The following TTC39C variants were observed in gnomAD, a reference collection of about 807,000 sequenced individuals.
TTC39C encodes the protein tetratricopeptide repeat protein 39C.
A neutral mutation model predicts 76.3 loss-of-function variants in TTC39C; 33 were observed. The ratio of observed to expected loss-of-function variants is 0.43; its 90% CI spans 0.33 to 0.58. The LOEUF (loss-of-function observed/expected upper bound fraction) is 0.58, where lower values mean the gene tolerates loss of function less well. Among genes scored for constraint, TTC39C ranks in the 20% least tolerant of loss-of-function variants. The probability of loss-of-function intolerance (pLI) is 0.04; values close to 1 mark genes in which losing one functional copy is unlikely to be tolerated. For missense variants in TTC39C, 595 were observed against 701.4 expected (o/e 0.85, Z 1.71); for synonymous variants, 254 against 260.6 (o/e 0.97, Z 0.24).
At chr18:24,059,831 A>G (rs1175540918) in intron 1 of TTC39C, among the ~76,000 whole-genome samples, 1 of 152,228 alleles carries the variant, frequency 6.6e-6, no homozygotes, top group Non-Finnish European at 1.5e-5. Context: ...AAGAGTTTTA[A>G]TTAACTCATA....
At chr18:24,014,661 G>A, upstream of TTC39C, 1 of 650,296 alleles carries the variant, frequency 1.5e-6, no homozygotes, top group Non-Finnish European at 2.1e-6. Flanking sequence ...GCGGCGGCCG[G>A]ACGCCCACCT....
chr18:24,056,098 A>G (rs1448980173), intron 1 of TTC39C, among the ~76,000 whole-genome samples: 1 of 152,140 alleles, frequency 6.6e-6, no homozygotes, highest in Non-Finnish European at 1.5e-5. Flanking sequence ...CCTTTTTGCT[A>G]ATTGTACACA....
intron 1 of TTC39C, among the ~76,000 whole-genome samples, chr18:24,045,898 T>TATATATATATATATATGTATATGTAC (rs1430891024): frequency 3.0e-4 from 11 of 37,276 alleles, no homozygotes; most frequent in African/African-American, 1.5e-3. Flanking sequence ...TGAAAATATA[T>TATATATATATATATATGTATATGTAC]ATATATATAT....
chr18:24,087,050 A>T (rs796354432), intron 6 of TTC39C, among the ~76,000 whole-genome samples: 2 of 152,050 alleles, frequency 1.3e-5, no homozygotes, highest in Non-Finnish European at 2.9e-5. Flanking sequence ...CTGTTTACTT[A>T]TCCCTGAATT....
At chr18:24,042,300 A>G (rs894609914) in intron 1 of TTC39C, among the ~76,000 whole-genome samples, 1 of 152,098 alleles carries the variant, frequency 6.6e-6, no homozygotes, top group African/African-American at 2.4e-5. Flanking sequence ...CAGTTTTTCT[A>G]AGGGTGTGGG....
At chr18:23,997,651 G>GAAA (rs2083275056) in intron 1 of TTC39C, among the ~76,000 whole-genome samples, 1 of 59,682 alleles carries the variant, frequency 1.7e-5, no homozygotes, top group African/African-American at 7.0e-5. Context: ...GAGGAAGGAA[G>GAAA]GAGAAAGAAA....
chr18:24,024,963 G>C (rs536261808), intron 1 of TTC39C, among the ~76,000 whole-genome samples: 45 of 152,258 alleles, frequency 3.0e-4, no homozygotes, highest in African/African-American at 1.1e-3. Context: ...CCAACTCCTG[G>C]GTTCAGGCGA....
At chr18:24,125,294 T>C (rs2085035102) in intron 9 of TTC39C, 133 bp from the exon 10 acceptor site, 1 of 1,148,702 alleles carries the variant, frequency 8.7e-7, no homozygotes, top group South Asian at 1.7e-5. Flanking sequence ...AGAGAAGAAT[T>C]GTTATTCTTA....
At chr18:24,087,776 G>A (rs1253327588) in intron 6 of TTC39C, among the ~76,000 whole-genome samples, 1 of 151,814 alleles carries the variant, frequency 6.6e-6, no homozygotes, top group African/African-American at 2.4e-5. Context: ...GTAGAGATGG[G>A]GTTTCACCAT....
chr18:24,091,350 T>C (rs549110395), intron 6 of TTC39C, among the ~76,000 whole-genome samples: 2 of 152,116 alleles, frequency 1.3e-5, no homozygotes, highest in East Asian at 1.9e-4. Flanking sequence ...GCTGAGGTGG[T>C]AGGATGGCTT....
intron 1 of TTC39C, among the ~76,000 whole-genome samples, chr18:24,003,905 A>G (rs2083332639): frequency 6.6e-6 from 1 of 152,044 alleles, no homozygotes; most frequent in Non-Finnish European, 1.5e-5. Flanking sequence ...CTACCACCAC[A>G]CCTGGCTAGG....
At chr18:24,098,255 A>G (rs879872206) in intron 6 of TTC39C, among the ~76,000 whole-genome samples, 2 of 152,030 alleles carry the variant, frequency 1.3e-5, no homozygotes, top group Non-Finnish European at 2.9e-5. Context: ...ATTTTTGCAT[A>G]TGTCTGTCCT....
chr18:24,004,011 G>A (rs745534767), intron 1 of TTC39C, among the ~76,000 whole-genome samples: 15 of 152,076 alleles, frequency 9.9e-5, no homozygotes, highest in Non-Finnish European at 1.3e-4. Flanking sequence ...TTGGACTCTC[G>A]GAGCACTGGG....
chr18:24,002,411 T>G (rs2083320565), intron 1 of TTC39C, among the ~76,000 whole-genome samples: 1 of 152,238 alleles, frequency 6.6e-6, no homozygotes, highest in Non-Finnish European at 1.5e-5. Flanking sequence ...GATGGTTACT[T>G]GCTCACAGAG....
chr18:24,083,196 T>A, intron 6 of TTC39C, 115 bp downstream of exon 6: 1 of 1,128,376 alleles, frequency 8.9e-7, no homozygotes. Flanking sequence ...CGGAGCATTT[T>A]GTTCTTTTGC....
chr18:24,011,710 A>AC (rs2083394541), upstream of TTC39C, among the ~76,000 whole-genome samples: 1 of 152,254 alleles, frequency 6.6e-6, no homozygotes, highest in African/African-American at 2.4e-5. Context: ...CAGTGAAATC[A>AC]AATGAAGAAC....
intron 1 of TTC39C, among the ~76,000 whole-genome samples, chr18:24,034,687 AGTTT>A (rs2083712580): frequency 6.6e-6 from 1 of 152,148 alleles, no homozygotes; most frequent in African/African-American, 2.4e-5. Flanking sequence ...TGTCTCTATG[AGTTT>A]GTTTGTGATA....
chr18:24,019,815 T>C, intron 1 of TTC39C: 1 of 1,463,818 alleles, frequency 6.8e-7, no homozygotes, highest in Non-Finnish European at 9.2e-7. Flanking sequence ...TCAGAGACCA[T>C]ATGGCATGCA....
At chr18:24,045,080 C>G (rs1016335682) in intron 1 of TTC39C, among the ~76,000 whole-genome samples, 1 of 152,002 alleles carries the variant, frequency 6.6e-6, no homozygotes, top group African/African-American at 2.4e-5. Context: ...ACCAGCCTGG[C>G]CAACATGGCT....
Sources: gnomAD v4.1 joint callset for allele counts (sites outside exome capture counted in the v4.1 genomes callset) on GRCh38, gnomAD v4.1.1 for gene constraint, MANE v1.5 for transcripts, NCBI Gene and HGNC (gene_info 2026-07-23, HGNC 2026-07-21) for gene names.